The following MPRIP variants were observed in gnomAD, a reference collection of about 807,000 sequenced individuals.
MPRIP encodes the protein myosin phosphatase Rho interacting protein, also known as myosin phosphatase Rho-interacting protein.
Under a neutral mutation model 234.9 loss-of-function variants are expected in MPRIP, and 59 were observed. The ratio of observed to expected loss-of-function variants is 0.25; its 90% CI spans 0.20 to 0.31. The LOEUF (loss-of-function observed/expected upper bound fraction) is 0.31, where lower values mean the gene tolerates loss of function less well. Ranked by LOEUF, MPRIP falls within the 10% of genes least tolerant of loss-of-function variation. MPRIP has a pLI of 1.00. For missense variants in MPRIP, 2,436 were observed against 3,071.0 expected (o/e 0.79, Z 4.89); for synonymous variants, 1,144 against 1,263.9 (o/e 0.91, Z 2.01).
intron 1 of MPRIP, among the ~76,000 whole-genome samples, chr17:17,043,266 G>A (rs551698263): frequency 6.6e-6 from 1 of 152,202 alleles, no homozygotes; most frequent in Non-Finnish European, 1.5e-5. Flanking sequence ...CTTAGGGATT[G>A]CATGCCGCTT....
At chr17:17,141,237 T>C (rs545341322) in intron 7 of MPRIP, among the ~76,000 whole-genome samples, 3 of 152,254 alleles carry the variant, frequency 2.0e-5, no homozygotes, top group East Asian at 1.9e-4. Flanking sequence ...TGGTGAGCCT[T>C]GAATCTCACC....
intron 2 of MPRIP, chr17:17,077,796 T>A: frequency 1.2e-5 from 6 of 490,406 alleles, no homozygotes; most frequent in East Asian, 3.5e-5. Flanking sequence ...CCTCAATCAC[T>A]CATGTGATTT....
In MPRIP at chr17:17,164,223, A is replaced by G; in HGVS notation, c.2632A>G (p.Ile878Val). 1.5e-6 allele frequency: 2 copies of G among 1,304,364 alleles called. No individual in the cohort carries two copies. Among genetic ancestry groups the G allele is most frequent in the South Asian group, 2.5e-5 (2 of 81,030 alleles). 80.8% of individuals were successfully genotyped at this position (1,304,364 alleles called of 1,614,324 possible). ...GCGCCAGGAGCTGATTACACACCAGATTCAGACCCTGAAGCGTAGCTATGG... is the reference window on the plus strand; with the variant it reads ...GCGCCAGGAGCTGATTACACACCAGGTTCAGACCCTGAAGCGTAGCTATGG... The part of the protein sequence containing the change: ...CQRQELITHQ[I>V]QTLKRSYGEA... Residue 878 changes from isoleucine (I) to valine (V), a missense_variant, in exon 16 of 24, where the codon ATT becomes GTT. Ile to Val is a conservative substitution (Grantham distance 29). Around this residue, in one of 4 missense-constraint regions of MPRIP, gnomAD observed 1,998 missense variants for 2,520.3 expected, o/e 0.79. Transcript: ENST00000651222.
chr17:17,188,144 T>C lies in MPRIP; in HGVS notation c.*3250T>C, dbSNP rs2046512765. ...CCCCAGGCAGGTGTGGAGACCAGCATTTCAGAGGACGCGCTGTCCACAGCC... is the reference window on the plus strand; with the variant it reads ...CCCCAGGCAGGTGTGGAGACCAGCACTTCAGAGGACGCGCTGTCCACAGCC... On this transcript the variant is annotated 3_prime_UTR_variant, in exon 24 of 24. Coordinates refer to ENST00000651222, the MANE Select transcript of MPRIP (RefSeq NM_001364716.4). The C allele has an allele frequency of 6.6e-6, 1 of 152,194 alleles. No individual in the cohort carries two copies. Among genetic ancestry groups the C allele is most frequent in the African/African-American group, 2.4e-5 (1 of 41,426 alleles). 9.4% of individuals were successfully genotyped at this position (152,194 alleles called of 1,614,324 possible). A position where few individuals can be genotyped will look rare whatever the true frequency, so the allele number is the denominator to read the frequency against.
At position 17,142,810 on chromosome 17, in the gene MPRIP, C is replaced by T. The variant is rs367819704; in HGVS notation, c.1389+45C>T. ...CAGCACCTCAGGGGTGGCTCGGGGG[C>T]GGGTCAGCATGCACCCCATGCGCCA... On this transcript the variant is annotated intron_variant, in intron 8 of 23. Coordinates refer to ENST00000651222, the MANE Select transcript of MPRIP (RefSeq NM_001364716.4). 2.2e-5 allele frequency: 35 copies of T among 1,597,220 alleles called. No homozygotes were observed. The African/African-American group carries it at 3.2e-4, about 15-fold the overall frequency.
At chr17:17,146,159 TC>T in intron 10 of MPRIP, 67 bp downstream of exon 10, 1 of 1,458,162 alleles carries the variant, frequency 6.9e-7, no homozygotes, top group Non-Finnish European at 9.6e-7. Flanking sequence ...GCTGTCCTTG[TC>T]CCCAGCCAGT....
At chr17:17,116,640 C>T (rs1032826828) in intron 3 of MPRIP, among the ~76,000 whole-genome samples, 4 of 152,226 alleles carry the variant, frequency 2.6e-5, no homozygotes, top group Non-Finnish European at 4.4e-5. Flanking sequence ...CACGGAACTC[C>T]CAGAATCACA....
chr17:17,155,638 A>G (rs1053065469), intron 13 of MPRIP, among the ~76,000 whole-genome samples: 3 of 152,264 alleles, frequency 2.0e-5, no homozygotes, highest in Non-Finnish European at 4.4e-5. Flanking sequence ...TGATTTCTTT[A>G]TAGTCCTCTT....
At chr17:17,152,944 G>T (rs1176676709) in intron 12 of MPRIP, among the ~76,000 whole-genome samples, 1 of 152,224 alleles carries the variant, frequency 6.6e-6, no homozygotes, top group Non-Finnish European at 1.5e-5. Flanking sequence ...AATTCCGGCT[G>T]TGATCCATTT....
At chr17:17,177,906 C>CTT (rs1198405875) in intron 22 of MPRIP, among the ~76,000 whole-genome samples, 1 of 149,442 alleles carries the variant, frequency 6.7e-6, no homozygotes, top group Non-Finnish European at 1.5e-5. Context: ...TTTTATCAAG[C>CTT]ATTTTCAGCT....
intron 4 of MPRIP, among the ~76,000 whole-genome samples, chr17:17,130,460 C>T (rs1284646166): frequency 1.3e-5 from 2 of 151,620 alleles, no homozygotes; most frequent in African/African-American, 4.9e-5. Flanking sequence ...CTCCTCTCCA[C>T]CTCAAATTAA....
chr17:17,182,176 A>C (rs2071256702), intron 23 of MPRIP: 1 of 152,076 alleles, frequency 6.6e-6, no homozygotes, highest in Admixed American at 6.6e-5. Context: ...ACTCCACCCA[A>C]CCCTTCAAGA....
intron 16 of MPRIP, chr17:17,168,834 A>T (rs928522873): frequency 2.2e-6 from 1 of 456,744 alleles, no homozygotes; most frequent in Non-Finnish European, 4.4e-6. Context: ...TGGCAGAGCC[A>T]GGCGCGCACA....
chr17:17,155,128 G>C (rs1020326473), intron 13 of MPRIP, among the ~76,000 whole-genome samples: 1 of 152,214 alleles, frequency 6.6e-6, no homozygotes, highest in African/African-American at 2.4e-5. Context: ...CACCTCTGGT[G>C]CCATTTCTCA....
chr17:17,158,213 G>GTCCCCCTCCCCC (rs1198679129), intron 13 of MPRIP, among the ~76,000 whole-genome samples: 3 of 138,400 alleles, frequency 2.2e-5, no homozygotes, highest in Admixed American at 7.0e-5. Flanking sequence ...TCCCCTCCCC[G>GTCCCCCTCCCCC]TCCCCCTCCC....
chr17:17,167,444 G>T lies in MPRIP; in HGVS notation c.5853G>T (p.Glu1951Asp). Residue 1951 changes from glutamate (E) to aspartate (D), a missense_variant, in exon 16 of 24, where the codon GAG becomes GAT. This residue lies in a region of MPRIP where 1,998 missense variants were observed against 2,520.3 expected (regional missense o/e 0.79). Coordinates refer to ENST00000651222, the MANE Select transcript of MPRIP (RefSeq NM_001364716.4). This position sits in a 1 kb window ranked among gnomAD's most constrained non-coding sequence, Gnocchi z 5.9. ...CCCTGCGGGGCAGGTATGAGGAGGAGATTCGGTGTGTGGTGGAGCAGCTGA... is the reference window on the plus strand; with the variant it reads ...CCCTGCGGGGCAGGTATGAGGAGGATATTCGGTGTGTGGTGGAGCAGCTGA... Reference protein sequence around the residue: ...MFTLRGRYEEEIRCVVEQLTR... With the variant: ...MFTLRGRYEEDIRCVVEQLTR... The T allele has an allele frequency of 7.7e-7, 1 of 1,304,240 alleles. No homozygotes were observed. Among genetic ancestry groups the T allele is most frequent in the Non-Finnish European group, 1.0e-6 (1 of 988,962 alleles). The allele number at this position is 1,304,240 out of a possible 1,614,324, so 80.8% of individuals were successfully genotyped here. A position where few individuals can be genotyped will look rare whatever the true frequency, so the allele number is the denominator to read the frequency against.
intron 11 of MPRIP, among the ~76,000 whole-genome samples, chr17:17,149,503 A>C (rs1193168291): frequency 6.6e-6 from 1 of 152,038 alleles, no homozygotes; most frequent in African/African-American, 2.4e-5. Context: ...AAAAAAAAAA[A>C]AAACTTCCGT....
chr17:17,126,942 T>C, intron 4 of MPRIP, 89 bp downstream of exon 4: 5 of 1,473,784 alleles, frequency 3.4e-6, no homozygotes, highest in Non-Finnish European at 4.7e-6. Context: ...GCAGTGTCGA[T>C]GTTGTCTACT....
chr17:17,065,173 T>A (rs1300535171), intron 1 of MPRIP, among the ~76,000 whole-genome samples: 1 of 152,222 alleles, frequency 6.6e-6, no homozygotes, highest in Non-Finnish European at 1.5e-5. Context: ...ATAGTCTAAA[T>A]ACTAGTATAT....
Sources: allele counts gnomAD v4.1 joint callset (sites outside exome capture counted in the v4.1 genomes callset), GRCh38; gene constraint gnomAD v4.1.1; regional missense constraint gnomAD v4.1.1; non-coding constraint Gnocchi (gnomAD v3.1); transcripts MANE v1.5; gene names NCBI Gene and HGNC (gene_info 2026-07-23, HGNC 2026-07-21).